RAD51B: variants seen among roughly 807,000 people sequenced by gnomAD.
RAD51B encodes DNA repair protein RAD51 homolog 2.
In RAD51B, 38 loss-of-function variants were observed where a neutral mutation model predicts 42.2. The ratio of observed to expected loss-of-function variants is 0.90; its 90% confidence interval spans 0.70 to 1.18. The LOEUF (loss-of-function observed/expected upper bound fraction) is 1.18, where lower values mean the gene tolerates loss of function less well. RAD51B is among the 50% of genes most tolerant of loss of function. The probability of loss-of-function intolerance (pLI) is 0.00; values close to 1 mark genes in which losing one functional copy is unlikely to be tolerated. For missense variants in RAD51B, 373 were observed against 400.7 expected, an observed-to-expected ratio of 0.93 and a Z score of 0.59; for synonymous variants, 154 against 145.2, an observed-to-expected ratio of 1.06 and a Z score of -0.43.
At chr14:68,184,755 A>T (rs1245017918) in intron 7 of RAD51B, among the ~76,000 whole-genome samples, 1 of 152,204 alleles carries the variant, frequency 6.6e-6, no homozygotes, top group Non-Finnish European at 1.5e-5. Context: ...TGGTAAGTTT[A>T]CCTGTAAATG....
intron 10 of RAD51B, among the ~76,000 whole-genome samples, chr14:68,583,084 G>A (rs1436107367): frequency 1.3e-5 from 2 of 152,168 alleles, no homozygotes; most frequent in Admixed American, 6.5e-5. Context: ...AACAACCATG[G>A]CATGTGTATA....
chr14:68,208,172 A>C (rs544357398), intron 7 of RAD51B, among the ~76,000 whole-genome samples: 1 of 152,190 alleles, frequency 6.6e-6, no homozygotes, highest in Admixed American at 6.5e-5. Context: ...TTAAAATAGC[A>C]TGTAATCTTA....
At chr14:68,589,025 G>A (rs1263712633) in intron 10 of RAD51B, among the ~76,000 whole-genome samples, 1 of 152,150 alleles carries the variant, frequency 6.6e-6, no homozygotes, top group Non-Finnish European at 1.5e-5. Context: ...GTGACCTGGG[G>A]CGAGTCCCTT....
intron 7 of RAD51B, among the ~76,000 whole-genome samples, chr14:68,247,129 TG>T (rs1480548196): frequency 1.3e-5 from 2 of 152,218 alleles, no homozygotes; most frequent in East Asian, 3.8e-4. Flanking sequence ...CATTAAGTAC[TG>T]TATATTGCCC....
intron 10 of RAD51B, chr14:68,497,226 G>C (rs1884594081): frequency 7.3e-7 from 1 of 1,372,992 alleles, no homozygotes; most frequent in Admixed American, 2.2e-5. Flanking sequence ...AAAGAGTCTT[G>C]TGGTGAAACA....
intron 10 of RAD51B, among the ~76,000 whole-genome samples, chr14:68,640,022 G>A (rs141117604): frequency 2.0e-5 from 3 of 152,028 alleles, no homozygotes; most frequent in Non-Finnish European, 2.9e-5. Flanking sequence ...GGCTGGTCTG[G>A]ATCTCCTGAC....
intron 2 of RAD51B, 132 bp from the exon 3 acceptor site, chr14:67,825,332 A>G (rs1017844062): frequency 5.4e-6 from 3 of 557,602 alleles, no homozygotes; most frequent in African/African-American, 3.9e-5. Context: ...TACTACAATG[A>G]ATGTATAAAT....
intron 7 of RAD51B, among the ~76,000 whole-genome samples, chr14:68,042,997 AG>A (rs1198955038): frequency 2.6e-5 from 4 of 152,314 alleles, no homozygotes; most frequent in South Asian, 2.1e-4. Flanking sequence ...ATCAGAATGT[AG>A]GTGATCCTTG....
chr14:68,283,360 G>A (rs979868973), intron 7 of RAD51B, among the ~76,000 whole-genome samples: 6 of 152,338 alleles, frequency 3.9e-5, no homozygotes, highest in Admixed American at 1.3e-4. Context: ...CACAGGACAC[G>A]TACAGTGCAG....
chr14:67,909,388 G>A (rs1334440143), intron 7 of RAD51B, among the ~76,000 whole-genome samples: 1 of 152,238 alleles, frequency 6.6e-6, no homozygotes, highest in African/African-American at 2.4e-5. Flanking sequence ...GATACTGCTA[G>A]TGAACATGTA....
intron 11 of RAD51B, among the ~76,000 whole-genome samples, chr14:68,671,764 C>T (rs1011492592): frequency 6.6e-6 from 1 of 151,788 alleles, no homozygotes; most frequent in Non-Finnish European, 1.5e-5. Context: ...GATGCCTCCA[C>T]AGTGCTCTGA....
chr14:68,602,982 A>AT (rs1253096787), intron 10 of RAD51B, among the ~76,000 whole-genome samples: 1 of 152,226 alleles, frequency 6.6e-6, no homozygotes, highest in Admixed American at 6.5e-5. Flanking sequence ...GAGTGAATAA[A>AT]TAATGAGGAG....
intron 7 of RAD51B, among the ~76,000 whole-genome samples, chr14:67,983,971 C>T (rs1566555554): frequency 6.6e-6 from 1 of 150,926 alleles, no homozygotes; most frequent in Non-Finnish European, 1.5e-5. Flanking sequence ...ACAGTGTCTC[C>T]CTCTGTTGCC....
At chr14:68,272,665 A>ATATATACAT (rs2081140091) in intron 7 of RAD51B, among the ~76,000 whole-genome samples, 1 of 12,474 alleles carries the variant, frequency 8.0e-5, no homozygotes, top group Non-Finnish European at 1.4e-4. Flanking sequence ...ATATATATAT[A>ATATATACAT]TTTTTTTTTT....
At chr14:68,338,193 A>G (rs1335693716) in intron 8 of RAD51B, among the ~76,000 whole-genome samples, 2 of 152,200 alleles carry the variant, frequency 1.3e-5, no homozygotes, top group Admixed American at 6.5e-5. Context: ...ACCCAACAGC[A>G]TGAAATACAA....
At chr14:68,394,411 GGCCCACCTTGAATCCTGAACCTCTTT>G (rs1426185606) in intron 8 of RAD51B, among the ~76,000 whole-genome samples, 2 of 152,172 alleles carry the variant, frequency 1.3e-5, no homozygotes, top group Admixed American at 6.5e-5. Context: ...TGACCAGGGA[GGCCCACCTTGAATCCTGAACCTCTTT>G]GGGGGCTGAC....
intron 7 of RAD51B, among the ~76,000 whole-genome samples, chr14:67,901,363 G>T (rs1164679380): frequency 6.6e-6 from 1 of 152,212 alleles, no homozygotes; most frequent in Non-Finnish European, 1.5e-5. Flanking sequence ...GGTCCCTTCT[G>T]AGCAACATCC....
chr14:68,273,131 T>C lies in RAD51B; in HGVS notation c.757-18753T>C, dbSNP rs1250640011. On this transcript the variant is annotated intron_variant, in intron 7 of 10. Coordinates refer to ENST00000471583, the MANE Select transcript of RAD51B (RefSeq NM_133510.4). ...TCTTCCTACAAGTGGTCAGACACAA[T>C]TGTCTCTTGATTATTTAGTGTAATG... 3.9e-5 allele frequency among the ~76,000 whole-genome samples: 6 copies of C among 152,148 alleles called. No individual in the cohort carries two copies. In the East Asian group the frequency reaches 1.2e-3, roughly 29 times the overall value.
chr14:68,465,104 A>G (rs2085941470), intron 9 of RAD51B, among the ~76,000 whole-genome samples: 1 of 152,226 alleles, frequency 6.6e-6, no homozygotes, highest in Admixed American at 6.5e-5. Flanking sequence ...TGCAGTGCAT[A>G]AAATAAAAAG....
Sources: allele counts gnomAD v4.1 joint callset (sites outside exome capture counted in the v4.1 genomes callset), GRCh38; gene constraint gnomAD v4.1.1; transcripts MANE v1.5; gene names NCBI Gene and HGNC (gene_info 2026-07-23, HGNC 2026-07-21).